Variants in EYS observed in about 807,000 individuals in gnomAD.
The protein encoded by EYS is protein eyes shut homolog.
Under a neutral mutation model 282.1 loss-of-function variants are expected in EYS, and 250 were observed. The ratio of observed to expected loss-of-function variants is 0.89; its 90% CI spans 0.80 to 0.98. The LOEUF (loss-of-function observed/expected upper bound fraction) is 0.98, where lower values mean the gene tolerates loss of function less well. EYS is among the 50% of genes least tolerant of loss of function. The pLI is 0.00. For synonymous variants in EYS, 1,355 were observed against 1,282.9 expected, an observed-to-expected ratio of 1.06 and a Z score of -1.20; for missense variants, 4,016 against 3,709.0, an observed-to-expected ratio of 1.08 and a Z score of -2.15.
In EYS at chr6:63,957,717, T is replaced by C. The variant is rs1050643662; in HGVS notation, c.7055+26666A>G. Among the ~76,000 whole-genome samples, 5 of 140,756 alleles carry C rather than the reference T, an allele frequency of 3.6e-5. 1 individual carries two copies. The highest frequency in any genetic ancestry group is 8.1e-5 in the Non-Finnish European group (5 of 61,930). The allele number at this position is 140,756 out of a possible 152,430, so 92.3% of individuals were successfully genotyped here. On this transcript the variant is annotated intron_variant, in intron 35 of 42. Transcript: ENST00000503581. ...ATGTATATTAGGTTCTAACTTACAATATTCTTAAGTACTTTCTCCACTCTA... is the reference window on the plus strand; with the variant it reads ...ATGTATATTAGGTTCTAACTTACAACATTCTTAAGTACTTTCTCCACTCTA...
chr6:64,294,031 C>A (rs188985574), intron 30 of EYS, among the ~76,000 whole-genome samples: 1 of 152,142 alleles, frequency 6.6e-6, no homozygotes, highest in Admixed American at 6.5e-5. Context: ...TTATTAAGAA[C>A]ACAGGTGAAA....
intron 31 of EYS, among the ~76,000 whole-genome samples, chr6:64,119,128 A>G (rs909989781): frequency 1.3e-5 from 2 of 152,098 alleles, no homozygotes; most frequent in African/African-American, 4.8e-5. Context: ...TATGTTACTG[A>G]ACTGGTTTCC....
At chr6:65,351,885 T>C (rs955804403) in intron 9 of EYS, among the ~76,000 whole-genome samples, 5 of 151,796 alleles carry the variant, frequency 3.3e-5, no homozygotes, top group Admixed American at 6.6e-5. Flanking sequence ...GATTCTAATA[T>C]GTGGTCAGGG....
intron 12 of EYS, among the ~76,000 whole-genome samples, chr6:65,278,253 T>A (rs1187463841): frequency 1.5e-5 from 1 of 65,396 alleles, no homozygotes; most frequent in Non-Finnish European, 3.9e-5. Flanking sequence ...GGTCAATTCC[T>A]TATAATAAAT....
chr6:65,015,914 G>T lies in EYS; in HGVS notation c.2138-18211C>A, dbSNP rs533270487. ...AAAAAAATTAGCTGGGCATGGTAGC[G>T]CACCCATGTAGTCCCAGCTACTCAG... On this transcript the variant is annotated intron_variant, in intron 13 of 42. Transcript: ENST00000503581. Among the ~76,000 whole-genome samples the T allele has an allele frequency of 2.7e-5, 4 of 145,706 alleles. No homozygotes were observed. In the East Asian group the frequency reaches 8.1e-4, roughly 30 times the overall value.
At chr6:64,557,203 TACAC>T (rs1562060417) in intron 26 of EYS, among the ~76,000 whole-genome samples, 1 of 106,692 alleles carries the variant, frequency 9.4e-6, no homozygotes, top group Admixed American at 1.2e-4. Context: ...CACACACAGA[TACAC>T]ACACACACAT....
rs188322292 is a variant in EYS at position 65,012,256 on chromosome 6, C to T, written c.2138-14553G>A. Among the ~76,000 whole-genome samples the T allele has an allele frequency of 8.4e-4, 128 of 152,134 alleles. 1 individual carries two copies. The highest frequency in any genetic ancestry group is 6.3e-4 in the Non-Finnish European group (43 of 67,998). ...TAGGATTATTTGATTCAAGAGAAAC[C>T]ATATCAGACAAAAAGCACAGTATAA... On this transcript the variant is annotated intron_variant, in intron 13 of 42. Coordinates refer to ENST00000503581, the MANE Select transcript of EYS (RefSeq NM_001142800.2).
chr6:64,158,060 C>A (rs1220543577), intron 31 of EYS, among the ~76,000 whole-genome samples: 2 of 152,220 alleles, frequency 1.3e-5, no homozygotes, highest in African/African-American at 4.8e-5. Context: ...AGGGGTGGAG[C>A]TGCCCAAGAC....
intron 34 of EYS, among the ~76,000 whole-genome samples, chr6:63,986,208 A>C (rs961438865): frequency 6.6e-6 from 1 of 151,958 alleles, no homozygotes; most frequent in Non-Finnish European, 1.5e-5. Flanking sequence ...AATGCAAATC[A>C]AAACCACAAT....
chr6:64,245,929 G>A (rs1332103322), intron 30 of EYS, among the ~76,000 whole-genome samples: 1 of 148,304 alleles, frequency 6.7e-6, no homozygotes, highest in East Asian at 2.0e-4. Flanking sequence ...TGAGGCAGGA[G>A]AATGGCGTGA....
intron 22 of EYS, among the ~76,000 whole-genome samples, chr6:64,694,374 G>T (rs1381204604): frequency 2.6e-5 from 4 of 152,136 alleles, no homozygotes; most frequent in Admixed American, 6.5e-5. Context: ...AATTCTCAAT[G>T]CATAAGAAGG....
intron 37 of EYS, among the ~76,000 whole-genome samples, chr6:63,798,901 T>C (rs554304179): frequency 6.7e-6 from 1 of 149,274 alleles, no homozygotes; most frequent in African/African-American, 2.5e-5. Flanking sequence ...CTTAGGTGCA[T>C]AGATCAAATT....
intron 29 of EYS, among the ~76,000 whole-genome samples, chr6:64,316,433 A>G (rs930231006): frequency 2.0e-5 from 3 of 152,116 alleles, no homozygotes; most frequent in Non-Finnish European, 4.4e-5. Context: ...ACAGACAAAT[A>G]GCCAAATCAT....
rs1768006895 is a variant in EYS at position 64,911,934 on chromosome 6, G to T, written c.2641+550C>A. ...GAAAGCCAGAAATATCCTGGCTTCA[G>T]ATACGGCTGGATCCAGGAGCTCCAA... is the stretch of plus-strand genomic sequence containing the variant. On this transcript the variant is annotated intron_variant, in intron 16 of 42. Coordinates refer to ENST00000503581, the MANE Select transcript of EYS (RefSeq NM_001142800.2). Among the ~76,000 whole-genome samples the T allele has an allele frequency of 2.6e-5, 4 of 152,164 alleles. No homozygotes were observed. The South Asian group carries it at 8.3e-4, about 31-fold the overall frequency.
intron 12 of EYS, among the ~76,000 whole-genome samples, chr6:65,059,316 T>C (rs1211840939): frequency 6.6e-6 from 1 of 152,096 alleles, no homozygotes; most frequent in Non-Finnish European, 1.5e-5. Context: ...TTTGACTCCA[T>C]TGTAACAATG....
At position 65,590,810 on chromosome 6, in the gene EYS, G is replaced by GT. The variant is rs531645037; in HGVS notation, c.-333+48967dup. Among the ~76,000 whole-genome samples the GT allele has an allele frequency of 8.0e-3, 1,148 of 143,406 alleles. 9 individuals are homozygous for GT. Among genetic ancestry groups the GT allele is most frequent in the African/African-American group, 0.018 (704 of 39,422 alleles). 94.1% of individuals were successfully genotyped at this position (143,406 alleles called of 152,430 possible). A position where few individuals can be genotyped will look rare whatever the true frequency, so the allele number is the denominator to read the frequency against. ...TTGCCTCAAAAAACAGAATTTTAAT[G>GT]TTTTTTTTTTATGGCTGCATAATAT... On this transcript the variant is annotated intron_variant, in intron 2 of 42. Transcript: ENST00000503581.
chr6:65,010,894 G>T (rs1161537218), intron 13 of EYS, among the ~76,000 whole-genome samples: 1 of 152,132 alleles, frequency 6.6e-6, no homozygotes, highest in Non-Finnish European at 1.5e-5. Flanking sequence ...AACCTAAAGA[G>T]GTGGCTGTCT....
intron 14 of EYS, among the ~76,000 whole-genome samples, chr6:64,965,089 A>G (rs150633043): frequency 1.3e-5 from 2 of 152,288 alleles, no homozygotes; most frequent in Non-Finnish European, 2.9e-5. Flanking sequence ...GCCCAAGGGT[A>G]ATAAATAAAT....
At position 64,758,749 on chromosome 6, in the gene EYS, AT is replaced by A. The variant is rs536457871; in HGVS notation, c.3443+54628del. Among the ~76,000 whole-genome samples the A allele has an allele frequency of 4.2e-4, 64 of 152,306 alleles. 2 individuals are homozygous for A. The South Asian group carries it at 0.013, about 31-fold the overall frequency. On this transcript the variant is annotated intron_variant, in intron 22 of 42. Coordinates refer to ENST00000503581, the MANE Select transcript of EYS (RefSeq NM_001142800.2). ...ATAATGGGAGATGGAGCTAAAGTCT[AT>A]TTTTGTTTTATTAAATAAAGAGTCT...
Sources: allele counts gnomAD v4.1 joint callset (sites outside exome capture counted in the v4.1 genomes callset), GRCh38; gene constraint gnomAD v4.1.1; transcripts MANE v1.5; gene names NCBI Gene and HGNC (gene_info 2026-07-23, HGNC 2026-07-21).